Variants in DNAH5 observed in about 807,000 individuals in gnomAD.
The protein encoded by DNAH5 is axonemal beta dynein heavy chain 5.
Under a neutral mutation model 518.2 loss-of-function variants are expected in DNAH5, and 372 were observed. The observed-to-expected ratio is 0.72, with a 90% CI of 0.66 to 0.78. The LOEUF (loss-of-function observed/expected upper bound fraction) is 0.78, where lower values mean the gene tolerates loss of function less well. DNAH5 is among the 30% of genes least tolerant of loss of function. The probability of loss-of-function intolerance (pLI) is 0.00; values close to 1 mark genes in which losing one functional copy is unlikely to be tolerated. For missense variants in DNAH5, 5,523 were observed against 5,687.0 expected, an observed-to-expected ratio of 0.97 and a Z score of 0.93; for synonymous variants, 2,039 against 2,025.9, an observed-to-expected ratio of 1.01 and a Z score of -0.17.
At chr5:13,859,420 A>G in intron 30 of DNAH5, 32 bp downstream of exon 30, 1 of 1,613,476 alleles carries the variant, frequency 6.2e-7, no homozygotes, top group South Asian at 1.1e-5. Flanking sequence ...TCTCTGAAAA[A>G]TCTGATGAAA....
At chr5:13,750,781 T>C (rs942910334) in intron 65 of DNAH5, among the ~76,000 whole-genome samples, 1 of 152,182 alleles carries the variant, frequency 6.6e-6, no homozygotes, top group African/African-American at 2.4e-5. Context: ...TCAAGTAATT[T>C]AAGAACAAAG....
intron 12 of DNAH5, among the ~76,000 whole-genome samples, chr5:13,908,581 A>G (rs756457236): frequency 2.0e-5 from 3 of 152,156 alleles, no homozygotes; most frequent in Non-Finnish European, 4.4e-5. Flanking sequence ...TCTTCACATT[A>G]GTTTTGGGGT....
At position 13,867,788 on chromosome 5, in the gene DNAH5, G is replaced by C; in HGVS notation, c.4039C>G (p.Leu1347Val). The C allele has an allele frequency of 3.7e-6, 6 of 1,613,678 alleles. No homozygotes were observed. The highest frequency in any genetic ancestry group is 5.1e-6 in the Non-Finnish European group (6 of 1,179,684). ...CAGAGACATACCAAATCATAGTCCA[G>C]ATAAAACTGGTGACAATCTTGGAGG... ...VFLQDCHQFY[L>V]DYDLNGPMAS... Residue 1347 changes from leucine (L) to valine (V), a missense_variant, in exon 25 of 79, where the codon CTG becomes GTG. Coordinates refer to ENST00000265104, the MANE Select transcript of DNAH5 (RefSeq NM_001369.3).
At chr5:13,718,771 C>T (rs1315100115) in intron 72 of DNAH5, 111 bp downstream of exon 72, 1 of 888,702 alleles carries the variant, frequency 1.1e-6, no homozygotes, top group African/African-American at 1.7e-5. Flanking sequence ...TCAGGTTAAA[C>T]AGTAGTACTA....
intron 65 of DNAH5, among the ~76,000 whole-genome samples, chr5:13,743,479 G>T (rs557484576): frequency 2.2e-4 from 34 of 151,874 alleles, no homozygotes; most frequent in African/African-American, 8.0e-4. Context: ...AACAAATGGG[G>T]TTATACCAAA....
chr5:13,830,252 T>C (rs1763466568), intron 36 of DNAH5, 39 bp from the exon 37 acceptor site: 2 of 1,576,990 alleles, frequency 1.3e-6, no homozygotes, highest in African/African-American at 2.7e-5. Flanking sequence ...AATTAGTATA[T>C]AATTTTAGAA....
At chr5:13,941,371 A>C (rs919571821) in intron 1 of DNAH5, among the ~76,000 whole-genome samples, 1 of 152,032 alleles carries the variant, frequency 6.6e-6, no homozygotes, top group Non-Finnish European at 1.5e-5. Context: ...ATGGAAAAAA[A>C]ATTTTTAAAT....
chr5:13,925,557 C>T (rs142623759), intron 3 of DNAH5, among the ~76,000 whole-genome samples: 1,729 of 152,224 alleles, frequency 0.011, 13 homozygotes, highest in Non-Finnish European at 0.017. Context: ...GAGCAAGTCA[C>T]GTCTTACATG....
At chr5:14,000,861 G>A (rs1179971310) in intron 1 of DNAH5, among the ~76,000 whole-genome samples, 4 of 152,228 alleles carry the variant, frequency 2.6e-5, no homozygotes, top group South Asian at 2.1e-4. Flanking sequence ...ATTGCAGCAC[G>A]GATTCACAAT....
At chr5:13,944,785 C>T (rs1400553871), upstream of DNAH5, among the ~76,000 whole-genome samples, 1 of 152,206 alleles carries the variant, frequency 6.6e-6, no homozygotes, top group African/African-American at 2.4e-5. Flanking sequence ...AGCAACACAA[C>T]TCCTTCTGTT....
At chr5:13,752,642 T>A (rs1286043321) in intron 63 of DNAH5, among the ~76,000 whole-genome samples, 2 of 152,234 alleles carry the variant, frequency 1.3e-5, no homozygotes, top group Non-Finnish European at 2.9e-5. Context: ...AGTTATCTCA[T>A]TATGTACATG....
intron 16 of DNAH5, among the ~76,000 whole-genome samples, chr5:13,891,723 AG>A (rs1773244730): frequency 6.8e-6 from 1 of 146,498 alleles, no homozygotes; most frequent in Non-Finnish European, 1.5e-5. Context: ...TTCCACAAGA[AG>A]TATTCAACAA....
At chr5:13,794,924 G>A (rs188170567) in intron 47 of DNAH5, among the ~76,000 whole-genome samples, 4 of 152,258 alleles carry the variant, frequency 2.6e-5, no homozygotes, top group South Asian at 2.1e-4. Context: ...CCAAGATAAC[G>A]CCACTGCACT....
At position 13,871,773 on chromosome 5, in the gene DNAH5, C is replaced by A. The variant is rs200694593; in HGVS notation, c.3397-8G>T. On this transcript the variant is annotated splice_polypyrimidine_tract_variant and splice_region_variant and intron_variant, in intron 22 of 78. Coordinates refer to ENST00000265104, the MANE Select transcript of DNAH5 (RefSeq NM_001369.3). ...CATGGATGTAATAACTTCCTGAATGCAAATAACAGATTTATGTTAAGAAGG... is the reference window on the plus strand; with the variant it reads ...CATGGATGTAATAACTTCCTGAATGAAAATAACAGATTTATGTTAAGAAGG... The A allele has an allele frequency of 1.9e-5, 31 of 1,610,316 alleles. No individual in the cohort carries two copies. In the African/African-American group the frequency reaches 4.1e-4, roughly 21 times the overall value.
chr5:13,991,707 G>A (rs1783566532), intron 1 of DNAH5, among the ~76,000 whole-genome samples: 2 of 152,076 alleles, frequency 1.3e-5, no homozygotes. Flanking sequence ...GAGGTGTGAG[G>A]GGGAGCCCTT....
At chr5:13,940,094 T>C (rs144041751) in intron 1 of DNAH5, among the ~76,000 whole-genome samples, 5 of 152,222 alleles carry the variant, frequency 3.3e-5, no homozygotes, top group Non-Finnish European at 7.4e-5. Flanking sequence ...TAAAGAACTC[T>C]CTCTTTAGCA....
At chr5:13,713,429 A>C in intron 75 of DNAH5, among the ~76,000 whole-genome samples, 1 of 102,810 alleles carries the variant, frequency 9.7e-6, no homozygotes, top group Admixed American at 1.3e-4. Context: ...ATATATATAC[A>C]TCGACATATA....
Position 13,891,079 on chromosome 5 carries a change from T to C in DNAH5, c.2474A>G (p.Glu825Gly). ...LLLDRVNDLI[E>G]FRIDAILEEM... ...TTCTAGAATGGCATCAATGCGGAAC[T>C]CAATCAAATCATTGACCCTGTCAAG... Residue 825 changes from glutamate to glycine, a missense_variant, in exon 17 of 79, where the codon GAG becomes GGG. Glu to Gly is a moderately conservative substitution (Grantham distance 98, BLOSUM62 -2). Coordinates refer to ENST00000265104, the MANE Select transcript of DNAH5 (RefSeq NM_001369.3). 2 of 1,614,130 alleles carry C rather than the reference T, an allele frequency of 1.2e-6. No individual in the cohort carries two copies. Among genetic ancestry groups the C allele is most frequent in the South Asian group, 2.2e-5 (2 of 91,082 alleles).
rs752925056 is a variant in DNAH5, at chr5:13,841,051, AT to A, written c.5563del (p.Ile1855SerfsTer16). On this transcript the variant is annotated frameshift_variant, in exon 34 of 79. Coordinates refer to ENST00000265104, the MANE Select transcript of DNAH5 (RefSeq NM_001369.3). LOFTEE classifies it high-confidence loss of function. ...ALRNAKFDKKIMQKTNQAFLE... is the reference protein window; with the variant it reads ...ALRNAKFDKKXMQKTNQAFLE... ...GAAAGCCTGATTAGTTTTCTGCATGATTTTTTTATCAAACTTGGCATTTCTA... is the reference window on the plus strand; with the variant it reads ...GAAAGCCTGATTAGTTTTCTGCATGATTTTTTATCAAACTTGGCATTTCTA... 6.2e-7 allele frequency: 1 copy of A among 1,614,092 alleles called. No homozygotes were observed. Among genetic ancestry groups the A allele is most frequent in the Admixed American group, 1.7e-5 (1 of 60,006 alleles).
Sources: gnomAD v4.1 joint callset for allele counts (sites outside exome capture counted in the v4.1 genomes callset) on GRCh38, gnomAD v4.1.1 for gene constraint, MANE v1.5 for transcripts, NCBI Gene and HGNC (gene_info 2026-07-23, HGNC 2026-07-21) for gene names.